The following ASTN2 variants were observed in gnomAD, a reference collection of about 807,000 sequenced individuals.
ASTN2 encodes astrotactin-2.
Under a neutral mutation model 139.8 loss-of-function variants are expected in ASTN2, and 54 were observed. The ratio of observed to expected loss-of-function variants is 0.39; its 90% confidence interval spans 0.31 to 0.48. The LOEUF is 0.48. Among genes scored for constraint, ASTN2 ranks in the 20% least tolerant of loss-of-function variants. ASTN2 has a pLI of 0.95. For synonymous variants in ASTN2, 756 were observed against 719.5 expected (o/e 1.05, Z -0.81); for missense variants, 1,565 against 1,725.1 (o/e 0.91, Z 1.64).
chr9:117,278,951 G>T (rs1201523717), intron 2 of ASTN2, among the ~76,000 whole-genome samples: 1 of 152,184 alleles, frequency 6.6e-6, no homozygotes, highest in African/African-American at 2.4e-5. Context: ...TCAACCTGCT[G>T]TAAGACATCG....
intron 2 of ASTN2, among the ~76,000 whole-genome samples, chr9:117,251,263 C>T (rs1289642769): frequency 6.6e-6 from 1 of 151,808 alleles, no homozygotes; most frequent in East Asian, 1.9e-4. Context: ...TTCCTTATAC[C>T]ATTCATAACT....
At chr9:117,128,371 C>CAAAAAAAAAAAAAAAAAAAAA (rs1167187783) in intron 4 of ASTN2, among the ~76,000 whole-genome samples, 10 of 66,414 alleles carry the variant, frequency 1.5e-4, no homozygotes, top group African/African-American at 5.3e-4. Context: ...GACACTGTCT[C>CAAAAAAAAAAAAAAAAAAAAA]AAAAAAAAAA....
chr9:117,341,485 G>C (rs1829060144), intron 1 of ASTN2, among the ~76,000 whole-genome samples: 1 of 151,986 alleles, frequency 6.6e-6, no homozygotes, highest in Non-Finnish European at 1.5e-5. Flanking sequence ...ATAATTTTTT[G>C]AAAAATCATA....
At chr9:116,559,064 C>A (rs987878299) in intron 19 of ASTN2, among the ~76,000 whole-genome samples, 34 of 152,292 alleles carry the variant, frequency 2.2e-4, no homozygotes, top group African/African-American at 7.9e-4. Flanking sequence ...TCTTACCCGA[C>A]TCTACTTTAT....
At chr9:116,901,186 T>C (rs1345308174) in intron 10 of ASTN2, among the ~76,000 whole-genome samples, 3 of 152,154 alleles carry the variant, frequency 2.0e-5, no homozygotes, top group Non-Finnish European at 4.4e-5. Context: ...TATGCCCATA[T>C]GCCCAGGCAA....
At chr9:116,429,626 C>A (rs1847432776) in intron 22 of ASTN2, among the ~76,000 whole-genome samples, 1 of 152,192 alleles carries the variant, frequency 6.6e-6, no homozygotes, top group African/African-American at 2.4e-5. Context: ...ACTCCCACCA[C>A]CATCACTCTC....
rs151116227 is a variant in ASTN2 at position 116,699,142 on chromosome 9, G to C, written c.2806+26629C>G. On this transcript the variant is annotated intron_variant, in intron 16 of 22. Transcript: ENST00000313400. This position sits in a 1 kb window ranked among gnomAD's most constrained non-coding sequence, Gnocchi z 4.2. ...GGCCACTGCGTGGCCTGTCACAGGA[G>C]CCAGCTGAGCAAACCATGGGGTATC... The C allele has an allele frequency of 9.3e-6, 15 of 1,614,230 alleles. No individual in the cohort carries two copies. In the African/African-American group the frequency reaches 9.3e-5, roughly 10 times the overall value.
chr9:116,632,185 G>GAGGGA (rs1564168833), intron 17 of ASTN2, among the ~76,000 whole-genome samples: 1 of 48,712 alleles, frequency 2.1e-5, no homozygotes, highest in Admixed American at 2.3e-4. Flanking sequence ...AGAGAGAGAG[G>GAGGGA]GAGAGAGAGA....
intron 13 of ASTN2, among the ~76,000 whole-genome samples, chr9:116,800,940 C>T (rs1335770946): frequency 2.0e-5 from 3 of 152,186 alleles, no homozygotes; most frequent in African/African-American, 7.2e-5. Flanking sequence ...ACAGACCTCT[C>T]TTATATCAGC....
intron 19 of ASTN2, among the ~76,000 whole-genome samples, chr9:116,513,143 T>G (rs749934223): frequency 3.3e-5 from 5 of 152,212 alleles, no homozygotes; most frequent in Non-Finnish European, 7.3e-5. Flanking sequence ...TGGTACCAGC[T>G]GTTCCTTTCC....
chr9:117,096,117 C>A lies in ASTN2; in HGVS notation c.1203G>T (p.Ser401=). 1 of 1,614,056 alleles carries A rather than the reference C, an allele frequency of 6.2e-7. No homozygotes were observed. The highest frequency in any genetic ancestry group is 1.3e-5 in the African/African-American group (1 of 75,048). The part of the protein sequence containing the change: ...GISFGRAKGT[S]GSEADDETQL... ...GAGTTTCATCGTCTGCCTCTGAGCC[C>A]GACGTCCCCTTGGCTCTCCCAAAGC... Residue 401 remains serine (S), a synonymous_variant, in exon 5 of 23, where the codon TCG becomes TCT. Transcript: ENST00000313400.
intron 10 of ASTN2, among the ~76,000 whole-genome samples, chr9:116,906,208 A>G (rs547043288): frequency 8.5e-5 from 13 of 152,274 alleles, no homozygotes; most frequent in African/African-American, 3.1e-4. Context: ...ACTAAATAAC[A>G]TAAGTGATAA....
chr9:117,264,636 A>C (rs1246435495), intron 2 of ASTN2, among the ~76,000 whole-genome samples: 3 of 152,226 alleles, frequency 2.0e-5, no homozygotes, highest in Non-Finnish European at 4.4e-5. Context: ...ATAACAAAAG[A>C]GAAGGAGGGA....
chr9:117,199,547 A>G (rs1386257086), intron 3 of ASTN2, among the ~76,000 whole-genome samples: 1 of 152,122 alleles, frequency 6.6e-6, no homozygotes, highest in Non-Finnish European at 1.5e-5. Context: ...CATAGTTTGA[A>G]GTCAGGTATT....
intron 19 of ASTN2, among the ~76,000 whole-genome samples, chr9:116,527,352 A>C (rs1450571380): frequency 1.3e-5 from 2 of 152,224 alleles, no homozygotes; most frequent in African/African-American, 2.4e-5. Flanking sequence ...TGTCCAATTA[A>C]AAAATAAGCA....
At chr9:116,591,153 T>C (rs890400062) in intron 19 of ASTN2, among the ~76,000 whole-genome samples, 2 of 152,168 alleles carry the variant, frequency 1.3e-5, no homozygotes, top group Non-Finnish European at 2.9e-5. Flanking sequence ...GCTGCAGCAG[T>C]TCAGGGAGCT....
At chr9:117,284,409 G>A (rs929550704) in intron 2 of ASTN2, among the ~76,000 whole-genome samples, 2 of 152,182 alleles carry the variant, frequency 1.3e-5, no homozygotes, top group Admixed American at 1.3e-4. Flanking sequence ...CTGGCCTCTG[G>A]TGTCCTCATA....
intron 16 of ASTN2, among the ~76,000 whole-genome samples, chr9:116,674,678 CCTATAA>C (rs1201896274): frequency 9.2e-5 from 14 of 152,312 alleles, no homozygotes; most frequent in East Asian, 3.9e-4. Context: ...GTGTCTATCT[CCTATAA>C]CTATATCTTT....
intron 5 of ASTN2, among the ~76,000 whole-genome samples, chr9:117,083,674 T>C (rs768728735): frequency 1.6e-4 from 24 of 151,960 alleles, no homozygotes; most frequent in South Asian, 4.2e-4. Flanking sequence ...GAAAGGCGGG[T>C]GGGGGAATCC....
Sources: gnomAD v4.1 joint callset for allele counts (sites outside exome capture counted in the v4.1 genomes callset) on GRCh38, gnomAD v4.1.1 for gene constraint, Gnocchi (gnomAD v3.1) non-coding constraint, MANE v1.5 for transcripts, NCBI Gene and HGNC (gene_info 2026-07-23, HGNC 2026-07-21) for gene names.